Variants in MACROD2 observed in about 807,000 individuals in gnomAD.
MACROD2 encodes the protein mono-ADP ribosylhydrolase 2, also known as ADP-ribose glycohydrolase MACROD2.
MACROD2 carries 36 observed loss-of-function variants against 70.4 expected under a neutral mutation model. That is an observed-to-expected ratio of 0.51 (90% CI 0.39 to 0.68). The LOEUF (loss-of-function observed/expected upper bound fraction) is 0.68, where lower values mean the gene tolerates loss of function less well. MACROD2 is among the 30% of genes least tolerant of loss of function. The pLI, the probability that MACROD2 is intolerant of heterozygous loss-of-function variation, is 0.00. For synonymous variants in MACROD2, 172 were observed against 178.8 expected (o/e 0.96, Z 0.30); for missense variants, 496 against 538.4 (o/e 0.92, Z 0.78).
At chr20:15,803,549 T>A (rs2063744317) in intron 8 of MACROD2, among the ~76,000 whole-genome samples, 1 of 152,114 alleles carries the variant, frequency 6.6e-6, no homozygotes, top group African/African-American at 2.4e-5. Flanking sequence ...GAAATAACAT[T>A]AAAAATAATG....
chr20:14,026,151 A>C (rs904017364), intron 2 of MACROD2, among the ~76,000 whole-genome samples: 1 of 152,140 alleles, frequency 6.6e-6, no homozygotes, highest in African/African-American at 2.4e-5. Context: ...GTTTTATCAG[A>C]GACTAGGATT....
chr20:14,133,188 C>T (rs1044626988), intron 3 of MACROD2, among the ~76,000 whole-genome samples: 4 of 152,160 alleles, frequency 2.6e-5, no homozygotes, highest in African/African-American at 9.7e-5. Context: ...TGTCTGGGCA[C>T]CTTTTGGCCC....
intron 6 of MACROD2, among the ~76,000 whole-genome samples, chr20:15,251,726 C>T (rs142921816): frequency 6.1e-4 from 93 of 152,172 alleles, no homozygotes; most frequent in African/African-American, 2.2e-3. Context: ...AACAGTGAAT[C>T]GGTGCTAAGT....
intron 8 of MACROD2, among the ~76,000 whole-genome samples, chr20:15,745,599 T>A (rs2051171210): frequency 6.6e-6 from 1 of 152,206 alleles, no homozygotes; most frequent in Non-Finnish European, 1.5e-5. Flanking sequence ...GAAGAAAAGC[T>A]CTTCGTTTTG....
intron 3 of MACROD2, among the ~76,000 whole-genome samples, chr20:14,141,921 T>C (rs1035199873): frequency 6.6e-6 from 1 of 152,154 alleles, no homozygotes; most frequent in African/African-American, 2.4e-5. Context: ...ATACATACGA[T>C]GTTTTCTGTG....
At chr20:15,892,951 C>A in intron 10 of MACROD2, 1 of 397,178 alleles carries the variant, frequency 2.5e-6, no homozygotes, top group Non-Finnish European at 4.4e-6. Flanking sequence ...AAAGGCCTCT[C>A]TCCACCCTAC....
intron 5 of MACROD2, among the ~76,000 whole-genome samples, chr20:14,853,054 G>T (rs1247131055): frequency 2.0e-5 from 3 of 152,036 alleles, no homozygotes; most frequent in African/African-American, 4.8e-5. Flanking sequence ...TACATATCAC[G>T]CTTGGCACTC....
At chr20:14,861,656 G>A (rs1205615830) in intron 5 of MACROD2, among the ~76,000 whole-genome samples, 2 of 151,686 alleles carry the variant, frequency 1.3e-5, no homozygotes, top group Non-Finnish European at 2.9e-5. Flanking sequence ...CCCACAAACA[G>A]CCTCTGTCCC....
intron 8 of MACROD2, among the ~76,000 whole-genome samples, chr20:15,810,323 A>G (rs1327355937): frequency 6.6e-6 from 1 of 151,840 alleles, no homozygotes; most frequent in Non-Finnish European, 1.5e-5. Flanking sequence ...CACAATAAAC[A>G]TACATGTGCA....
At chr20:15,604,050 G>A (rs2048860297) in intron 8 of MACROD2, among the ~76,000 whole-genome samples, 1 of 152,154 alleles carries the variant, frequency 6.6e-6, no homozygotes. Flanking sequence ...ATGATGTCCT[G>A]TTTGTAGGCT....
intron 5 of MACROD2, among the ~76,000 whole-genome samples, chr20:15,191,054 T>C (rs996207700): frequency 1.3e-5 from 2 of 152,158 alleles, no homozygotes; most frequent in African/African-American, 4.8e-5. Flanking sequence ...GAAAACTGTA[T>C]ACATAGTTAA....
chr20:14,246,914 A>G (rs73901216), intron 3 of MACROD2, among the ~76,000 whole-genome samples: 14 of 152,228 alleles, frequency 9.2e-5, no homozygotes, highest in African/African-American at 3.4e-4. Context: ...CCTCATTTCC[A>G]TGGCAACCAG....
intron 5 of MACROD2, among the ~76,000 whole-genome samples, chr20:14,977,933 C>A (rs914213872): frequency 6.6e-6 from 1 of 151,996 alleles, no homozygotes; most frequent in Non-Finnish European, 1.5e-5. Flanking sequence ...AAACAAACAC[C>A]ATTCAAAAAT....
chr20:14,146,695 T>C (rs1466431032), intron 3 of MACROD2, among the ~76,000 whole-genome samples: 1 of 152,200 alleles, frequency 6.6e-6, no homozygotes, highest in Non-Finnish European at 1.5e-5. Context: ...GTCTTTTAGA[T>C]TGATGCTAAA....
intron 6 of MACROD2, among the ~76,000 whole-genome samples, chr20:15,320,172 C>G (rs1198804034): frequency 2.0e-5 from 3 of 152,076 alleles, no homozygotes; most frequent in Non-Finnish European, 4.4e-5. Context: ...CCACTGCACT[C>G]CAGCCTGGCA....
At chr20:15,584,146 A>G (rs2048564461) in intron 8 of MACROD2, among the ~76,000 whole-genome samples, 1 of 152,244 alleles carries the variant, frequency 6.6e-6, no homozygotes, top group African/African-American at 2.4e-5. Flanking sequence ...ACTTCATTAA[A>G]TTTATCCGGG....
At chr20:14,425,674 GT>G (rs1212264122) in intron 3 of MACROD2, among the ~76,000 whole-genome samples, 6 of 152,186 alleles carry the variant, frequency 3.9e-5, no homozygotes, top group Middle Eastern at 6.8e-3. Context: ...CTGACCTCCT[GT>G]CCTGTGAACA....
chr20:15,305,406 T>G (rs1300670129), intron 6 of MACROD2, among the ~76,000 whole-genome samples: 1 of 152,204 alleles, frequency 6.6e-6, no homozygotes, highest in Non-Finnish European at 1.5e-5. Context: ...CTCATAATTT[T>G]TATCATGTTT....
intron 3 of MACROD2, among the ~76,000 whole-genome samples, chr20:14,414,360 C>A (rs974308491): frequency 1.3e-5 from 2 of 152,062 alleles, no homozygotes; most frequent in Admixed American, 1.3e-4. Context: ...CATCTTAAAT[C>A]CAGTCACCCT....
Sources: gnomAD v4.1 joint callset for allele counts (sites outside exome capture counted in the v4.1 genomes callset) on GRCh38, gnomAD v4.1.1 for gene constraint, MANE v1.5 for transcripts, NCBI Gene and HGNC (gene_info 2026-07-23, HGNC 2026-07-21) for gene names.